MME: variants seen among roughly 807,000 people sequenced by gnomAD.
The protein encoded by MME is neprilysin.
Under a neutral mutation model 113.2 loss-of-function variants are expected in MME, and 98 were observed. That is an observed-to-expected ratio of 0.87 (90% CI 0.74 to 1.02). The LOEUF is 1.02. MME is among the 50% of genes least tolerant of loss of function. The pLI, the probability that MME is intolerant of heterozygous loss-of-function variation, is 0.00. For missense variants in MME, 836 were observed against 896.0 expected (o/e 0.93, Z 0.86); for synonymous variants, 292 against 300.6 (o/e 0.97, Z 0.30).
chr3:155,161,517 C>A (rs1042414093), intron 17 of MME, among the ~76,000 whole-genome samples: 3 of 151,918 alleles, frequency 2.0e-5, no homozygotes, highest in African/African-American at 7.3e-5. Flanking sequence ...AAAAAACTAA[C>A]CTTAAAATAA....
chr3:155,032,066 A>G (rs1712992085), intron 1 of MME, among the ~76,000 whole-genome samples: 1 of 152,176 alleles, frequency 6.6e-6, no homozygotes, highest in African/African-American at 2.4e-5. Context: ...AAGTAAAACC[A>G]TTTTTCTAGA....
In MME at chr3:155,098,870, A is replaced by G. The variant is rs554418022; in HGVS notation, c.196+13776A>G. Among the ~76,000 whole-genome samples the G allele has an allele frequency of 2.0e-5, 3 of 152,202 alleles. No homozygotes were observed. The East Asian group carries it at 5.8e-4, about 30-fold the overall frequency. On this transcript the variant is annotated intron_variant, in intron 3 of 22. Coordinates refer to ENST00000360490, the MANE Select transcript of MME (RefSeq NM_007289.4). ...GGTTGTCCACAGGGTCTCTGATGTT[A>G]CATATCAAGATGGTAGAACTTATGT...
intron 14 of MME, among the ~76,000 whole-genome samples, chr3:155,146,156 AG>A (rs1721486387): frequency 6.6e-6 from 1 of 152,218 alleles, no homozygotes. Flanking sequence ...AATAACAAGT[AG>A]TAAACAAGTG....
intron 1 of MME, among the ~76,000 whole-genome samples, chr3:155,042,927 T>TAC (rs1713400200): frequency 1.5e-5 from 1 of 65,372 alleles, no homozygotes; most frequent in African/African-American, 8.5e-5. Flanking sequence ...TATATATATA[T>TAC]ATATATATAT....
At chr3:155,112,801 T>C (rs1424048306) in intron 3 of MME, 3 of 152,086 alleles carry the variant, frequency 2.0e-5, no homozygotes, top group Non-Finnish European at 4.4e-5. Context: ...TAAGAGAAGG[T>C]GGTAAGAAGA....
chr3:155,164,101 A>G (rs1255388713), intron 17 of MME, among the ~76,000 whole-genome samples: 2 of 151,060 alleles, frequency 1.3e-5, no homozygotes, highest in Non-Finnish European at 2.9e-5. Context: ...CTGAGGTCAC[A>G]CCACTGCACT....
chr3:155,039,863 G>A (rs763544431), intron 1 of MME, among the ~76,000 whole-genome samples: 2 of 152,052 alleles, frequency 1.3e-5, no homozygotes, highest in Non-Finnish European at 2.9e-5. Flanking sequence ...TACACAACAT[G>A]ATGTTTTGAT....
rs1711597048 is a variant in MME, at chr3:155,168,810, G to T, written c.1980+13G>T. 6.2e-7 allele frequency: 1 copy of T among 1,601,562 alleles called. No homozygotes were observed. Among genetic ancestry groups the T allele is most frequent in the Admixed American group, 1.7e-5 (1 of 59,872 alleles). On this transcript the variant is annotated intron_variant, in intron 20 of 22. Coordinates refer to ENST00000360490, the MANE Select transcript of MME (RefSeq NM_007289.4). ...TCAAGCATACAGAGTAAGTAAAAAAGATTTTCTTTCCATTTTAGTGATTTA... is the reference window on the plus strand; with the variant it reads ...TCAAGCATACAGAGTAAGTAAAAAATATTTTCTTTCCATTTTAGTGATTTA...
intron 1 of MME, among the ~76,000 whole-genome samples, chr3:155,061,174 C>T (rs76552030): frequency 0.013 from 2,004 of 152,232 alleles, 47 homozygotes; most frequent in South Asian, 0.053. Context: ...TATCGCCGGG[C>T]GGGCGCGGTG....
intron 22 of MME, among the ~76,000 whole-genome samples, chr3:155,174,052 G>A (rs1712257598): frequency 6.6e-6 from 1 of 151,916 alleles, no homozygotes; most frequent in Non-Finnish European, 1.5e-5. Context: ...GGTATGAACA[G>A]AATAAGAATT....
intron 1 of MME, among the ~76,000 whole-genome samples, chr3:155,066,614 G>A (rs1362916255): frequency 6.6e-6 from 1 of 152,172 alleles, no homozygotes. Context: ...TATTACTTAT[G>A]TAATGTGTTT....
chr3:155,179,451 A>G (rs1559970112), intron 22 of MME, among the ~76,000 whole-genome samples: 1 of 152,134 alleles, frequency 6.6e-6, no homozygotes, highest in South Asian at 2.1e-4. Flanking sequence ...GAGAAGTCCT[A>G]AGATGTACAC....
chr3:155,144,399 A>T lies in MME; in HGVS notation c.1358A>T (p.Gln453Leu), dbSNP rs1462697214. 2.5e-6 allele frequency: 4 copies of T among 1,613,308 alleles called. No homozygotes were observed. Among genetic ancestry groups the T allele is most frequent in the Non-Finnish European group, 3.4e-6 (4 of 1,179,468 alleles). The part of the protein sequence containing the change: ...LIAQIREVFI[Q>L]TLDDLTWMDA... ...GCACAGATCCGAGAAGTTTTTATTC[A>T]GACTTTAGATGACCTCACTTGGATG... The change falls in exon 14 of 23, where the codon CAG becomes CTG. Residue 453 changes from glutamine (Q) to leucine (L), a missense_variant. Transcript: ENST00000360490.
At chr3:155,160,779 T>G (rs945581687) in intron 17 of MME, among the ~76,000 whole-genome samples, 4 of 152,152 alleles carry the variant, frequency 2.6e-5, no homozygotes, top group Admixed American at 2.0e-4. Flanking sequence ...TAAAGTCATA[T>G]TGACTTTAAG....
At chr3:155,174,068 G>C (rs1712259740) in intron 22 of MME, among the ~76,000 whole-genome samples, 1 of 151,918 alleles carries the variant, frequency 6.6e-6, no homozygotes, top group Non-Finnish European at 1.5e-5. Context: ...GAATTCTTAT[G>C]CATTTTGTAA....
In MME at chr3:155,168,481, A is replaced by G. The variant is rs1306404733; in HGVS notation, c.1781-11A>G. The G allele has an allele frequency of 6.2e-7, 1 of 1,606,372 alleles. No individual in the cohort carries two copies. On this transcript the variant is annotated splice_polypyrimidine_tract_variant and intron_variant, in intron 18 of 22. Coordinates refer to ENST00000360490, the MANE Select transcript of MME (RefSeq NM_007289.4). ...ATGAGTTCCCATTTTACTTAAATAA[A>G]TATATTATAGGCAGAAACTTTAACA...
intron 8 of MME, among the ~76,000 whole-genome samples, chr3:155,128,970 T>C (rs1466813645): frequency 6.6e-6 from 1 of 152,206 alleles, no homozygotes; most frequent in African/African-American, 2.4e-5. Flanking sequence ...TGTGTTCTCT[T>C]TTCTCTTTTC....
intron 3 of MME, among the ~76,000 whole-genome samples, chr3:155,097,166 A>T (rs540568938): frequency 2.0e-4 from 30 of 152,296 alleles, no homozygotes; most frequent in African/African-American, 7.0e-4. Flanking sequence ...GAGATAGTTT[A>T]AATTTGAGAT....
chr3:155,062,316 T>A (rs1043438167), intron 1 of MME, among the ~76,000 whole-genome samples: 1 of 152,218 alleles, frequency 6.6e-6, no homozygotes, highest in Non-Finnish European at 1.5e-5. Context: ...TAACAAATGC[T>A]ATTTAGTTTA....
Sources: gnomAD v4.1 joint callset for allele counts (sites outside exome capture counted in the v4.1 genomes callset) on GRCh38, gnomAD v4.1.1 for gene constraint, MANE v1.5 for transcripts, NCBI Gene and HGNC (gene_info 2026-07-23, HGNC 2026-07-21) for gene names.